ZNF48: variants seen among roughly 807,000 people sequenced by gnomAD.
The protein encoded by ZNF48 is zinc finger protein 48.
Under a neutral mutation model 40.0 loss-of-function variants are expected in ZNF48, and 20 were observed. The observed-to-expected ratio is 0.50, with a 90% CI of 0.35 to 0.73. ZNF48 has a LOEUF of 0.73. Ranked by LOEUF, ZNF48 falls within the 30% of genes least tolerant of loss-of-function variation. ZNF48 has a pLI of 0.01. For synonymous variants in ZNF48, 298 were observed against 329.7 expected (o/e 0.90, Z 1.04); for missense variants, 726 against 851.9 (o/e 0.85, Z 1.84).
chr16:30,394,838 GCTCAGGGTCTCTGTTCCGGGC>G (rs1326736453), upstream of ZNF48: 4 of 206,912 alleles, frequency 1.9e-5, no homozygotes, highest in African/African-American at 6.9e-5. Flanking sequence ...TGAGTCTCTG[GCTCAGGGTCTCTGTTCCGGGC>G]CCCAGGTCTG....
rs1015505992 is a variant in ZNF48, at chr16:30,398,388, A to G, written c.1138A>G (p.Thr380Ala). The change falls in exon 3 of 3, where the codon ACT becomes GCT. Residue 380 changes from threonine (T) to alanine (A), a missense_variant. Physicochemically the swap from Thr to Ala is moderately conservative, Grantham distance 58 (BLOSUM62 0). Coordinates refer to ENST00000613509, the MANE Select transcript of ZNF48 (RefSeq NM_001214909.2). The surrounding 1 kb of genome is among the most constrained non-coding windows in gnomAD (Gnocchi z 6.6). Reference sequence around the variant, plus strand: ...CTCCACCCTTCTTCGCCACCGCCTCACTCACATGGAGCCCCAGGACTTCAG... The same window carrying G: ...CTCCACCCTTCTTCGCCACCGCCTCGCTCACATGGAGCCCCAGGACTTCAG... Reference protein sequence around the residue: ...LSSTLLRHRLTHMEPQDFSFP... With the variant: ...LSSTLLRHRLAHMEPQDFSFP... 1.9e-6 allele frequency: 3 copies of G among 1,611,778 alleles called. No homozygotes were observed. The African/African-American group carries it at 4.0e-5, about 22-fold the overall frequency.
Position 30,398,275 on chromosome 16 carries a change from A to G in ZNF48, c.1025A>G (p.Asp342Gly). The change falls in exon 3 of 3, where the codon GAC becomes GGC. Residue 342 changes from aspartate to glycine, a missense_variant. Asp to Gly is a moderately conservative substitution (Grantham distance 94). Around this residue, in one of 5 missense-constraint regions of ZNF48, gnomAD observed 378 missense variants for 449.1 expected, o/e 0.84. Coordinates refer to ENST00000613509, the MANE Select transcript of ZNF48 (RefSeq NM_001214909.2). The surrounding 1 kb of genome is among the most constrained non-coding windows in gnomAD (Gnocchi z 6.6). ...CCAGAGTGCGGCAAAGGTTTCGCGG[A>G]CAGCTCCGCCCGAGTCAAACACCTC... is the stretch of plus-strand genomic sequence containing the variant. The part of the protein sequence containing the change: ...LCPECGKGFA[D>G]SSARVKHLRT... 1 of 1,613,432 alleles carries G rather than the reference A, an allele frequency of 6.2e-7. No individual in the cohort carries two copies. The highest frequency in any genetic ancestry group is 1.1e-5 in the South Asian group (1 of 91,078).
At chr16:30,385,279 C>T (rs2049892873) in intron 1 of ZNF48, among the ~76,000 whole-genome samples, 1 of 151,764 alleles carries the variant, frequency 6.6e-6, no homozygotes, top group South Asian at 2.1e-4. Context: ...ACTCCACCAC[C>T]GGCCTTCCTC....
intron 1 of ZNF48, among the ~76,000 whole-genome samples, chr16:30,387,276 G>A (rs560354406): frequency 1.1e-4 from 16 of 146,716 alleles, no homozygotes; most frequent in East Asian, 6.3e-4. Context: ...GTGTTTCGGC[G>A]GGGCGCCATG....
intron 1 of ZNF48, among the ~76,000 whole-genome samples, chr16:30,389,650 G>C (rs117304935): frequency 2.1e-3 from 312 of 150,778 alleles, no homozygotes; most frequent in Non-Finnish European, 3.5e-3. Context: ...TGACACCATA[G>C]TCCATTTCCA....
rs1257337121 is a variant in ZNF48 at position 30,398,768 on chromosome 16, C to A, written c.1518C>A (p.Ala506=). 6.2e-7 allele frequency: 1 copy of A among 1,613,704 alleles called. No individual in the cohort carries two copies. The highest frequency in any genetic ancestry group is 2.2e-5 in the East Asian group (1 of 44,880). The change falls in exon 3 of 3, where the codon GCC becomes GCA. Residue 506 remains alanine, a synonymous_variant. Transcript: ENST00000613509. The surrounding 1 kb of genome is among the most constrained non-coding windows in gnomAD (Gnocchi z 6.6). ...KHLRTHRGER[A]RPPPPSTLLR... is the part of the protein sequence containing the mutation. ...TCCGCACCCACCGTGGTGAACGGGC[C>A]CGGCCACCACCACCATCCACTCTGC...
Position 30,381,789 on chromosome 16 carries a change from G to A in ZNF48, c.-16+3379G>A. 1 of 1,614,076 alleles carries A rather than the reference G, an allele frequency of 6.2e-7. No homozygotes were observed. Among genetic ancestry groups the A allele is most frequent in the Non-Finnish European group, 8.5e-7 (1 of 1,180,002 alleles). On this transcript the variant is annotated intron_variant, in intron 1 of 2. Transcript: ENST00000528032. This position sits in a 1 kb window ranked among gnomAD's most constrained non-coding sequence, Gnocchi z 4.3. ...CAGAGCAGTCCACTGAGTCCCCAAAGCCAGGTGTGTCCACAAGGGTCAGCT... is the reference window on the plus strand; with the variant it reads ...CAGAGCAGTCCACTGAGTCCCCAAAACCAGGTGTGTCCACAAGGGTCAGCT...
intron 1 of ZNF48, chr16:30,383,140 C>T (rs2049872349): frequency 5.9e-6 from 2 of 339,800 alleles, no homozygotes; most frequent in African/African-American, 2.1e-5. Context: ...TGTGATCACA[C>T]CACTACACTC....
rs1443698665 is a variant in ZNF48 at position 30,379,577 on chromosome 16, A to AATGG, written c.-16+1167_-16+1168insATGG. The AATGG allele has an allele frequency of 2.7e-6, 4 of 1,456,250 alleles. No homozygotes were observed. In the Admixed American group the frequency reaches 6.7e-5, roughly 25 times the overall value. The allele number at this position is 1,456,250 out of a possible 1,614,324, so 90.2% of individuals were successfully genotyped here. ...GGGGTTCACCATTGGCTCACACGGC[A>AATGG]GAAACTTTCTCTTTCCCAGCTTCAA... On this transcript the variant is annotated intron_variant, in intron 1 of 2. Coordinates refer to the ZNF48 transcript ENST00000528032.
rs760627890 is a variant in ZNF48 at position 30,397,996 on chromosome 16, G to A, written c.746G>A (p.Arg249Gln). Reference sequence around the variant, plus strand: ...ACACACCGGGGGGAGCAGCCCCCCCGACCAGTGGTGCCCCGACGGCAGCCA... The same window carrying A: ...ACACACCGGGGGGAGCAGCCCCCCCAACCAGTGGTGCCCCGACGGCAGCCA... Reference protein sequence around the residue: ...QRTHRGEQPPRPVVPRRQPSR... With the variant: ...QRTHRGEQPPQPVVPRRQPSR... Residue 249 changes from arginine to glutamine, a missense_variant, in exon 3 of 3, where the codon CGA becomes CAA. By Grantham distance (43) the Arg-to-Gln change is conservative. Coordinates refer to ENST00000613509, the MANE Select transcript of ZNF48 (RefSeq NM_001214909.2). This position sits in a 1 kb window ranked among gnomAD's most constrained non-coding sequence, Gnocchi z 4.1. 132 of 1,613,336 alleles carry A rather than the reference G, an allele frequency of 8.2e-5. No individual in the cohort carries two copies. Among genetic ancestry groups the A allele is most frequent in the Admixed American group, 1.8e-4 (11 of 59,970 alleles).
At chr16:30,380,109 C>T (rs896601028) in intron 1 of ZNF48, 1 of 1,210,428 alleles carries the variant, frequency 8.3e-7, no homozygotes, top group Non-Finnish European at 1.2e-6. Context: ...GACAGTGAGA[C>T]ACAGAGATAC....
Position 30,382,716 on chromosome 16 carries a change from C to A in ZNF48, c.-16+4306C>A, listed in dbSNP as rs746137415. On this transcript the variant is annotated intron_variant, in intron 1 of 2. Transcript: ENST00000528032. This position sits in a 1 kb window ranked among gnomAD's most constrained non-coding sequence, Gnocchi z 4.8. ...GTTGCCACCTCCTGGACCCCTTTGC[C>A]CATCACCTGTCTACGTACCTTCAAC... 5.5e-5 allele frequency: 84 copies of A among 1,535,680 alleles called. No homozygotes were observed. Among genetic ancestry groups the A allele is most frequent in the Non-Finnish European group, 7.2e-5 (82 of 1,145,772 alleles).
chr16:30,381,483 G>A lies in ZNF48; in HGVS notation c.-16+3073G>A. 6.2e-7 allele frequency: 1 copy of A among 1,613,954 alleles called. No homozygotes were observed. Among genetic ancestry groups the A allele is most frequent in the African/African-American group, 1.3e-5 (1 of 75,008 alleles). ...CACCACCGGAAGCCAGCTGGGTGTG[G>A]GGAGAGGATGTGAGGTCAGAGATCA... On this transcript the variant is annotated intron_variant, in intron 1 of 2. Coordinates refer to the ZNF48 transcript ENST00000528032. The surrounding 1 kb of genome is among the most constrained non-coding windows in gnomAD (Gnocchi z 4.3).
Position 30,395,506 on chromosome 16 carries a change from G to T in ZNF48, c.-88G>T. ...GAGCCTGCATCCCGGAGCCGCTGGC[G>T]GCTCGGGCGCCTGCACCCCGCTGAG... On this transcript the variant is annotated 5_prime_UTR_variant, in exon 1 of 3. Coordinates refer to ENST00000613509, the MANE Select transcript of ZNF48 (RefSeq NM_001214909.2). This position sits in a 1 kb window ranked among gnomAD's most constrained non-coding sequence, Gnocchi z 5.9. 1 of 311,820 alleles carries T rather than the reference G, an allele frequency of 3.2e-6. No individual in the cohort carries two copies. Among genetic ancestry groups the T allele is most frequent in the Non-Finnish European group, 6.2e-6 (1 of 160,070 alleles). The allele number at this position is 311,820 out of a possible 1,614,324, so 19.3% of individuals were successfully genotyped here.
At position 30,400,044 on chromosome 16, in the gene ZNF48, A is replaced by T. The variant is rs895504547; in HGVS notation, c.*937A>T. 1.3e-5 allele frequency: 2 copies of T among 152,126 alleles called. No homozygotes were observed. Among genetic ancestry groups the T allele is most frequent in the African/African-American group, 4.8e-5 (2 of 41,400 alleles). 9.4% of individuals were successfully genotyped at this position (152,126 alleles called of 1,614,324 possible). A position where few individuals can be genotyped will look rare whatever the true frequency, so the allele number is the denominator to read the frequency against. ...AGGGGTCTCTGCGCGCAAAACTCAG[A>T]CTGTAAATTTTGTGTGCTTCCCTTG... On this transcript the variant is annotated 3_prime_UTR_variant, in exon 3 of 3. Transcript: ENST00000613509.
Position 30,398,228 on chromosome 16 carries a change from G to A in ZNF48, c.978G>A (p.Thr326=), listed in dbSNP as rs148385718. The A allele has an allele frequency of 5.0e-5, 80 of 1,613,516 alleles. No homozygotes were observed. The highest frequency in any genetic ancestry group is 6.7e-5 in the East Asian group (3 of 44,858). The part of the protein sequence containing the change: ...SDLVKHLRVH[T]GEKPYLCPEC... Reference sequence around the variant, plus strand: ...TGGTGAAGCACCTGCGGGTGCACACGGGTGAGAAGCCCTACCTCTGCCCAG... The same window carrying A: ...TGGTGAAGCACCTGCGGGTGCACACAGGTGAGAAGCCCTACCTCTGCCCAG... The change falls in exon 3 of 3, where the codon ACG becomes ACA. Residue 326 remains threonine (T), a synonymous_variant. Transcript: ENST00000613509. This position sits in a 1 kb window ranked among gnomAD's most constrained non-coding sequence, Gnocchi z 6.6.
At chr16:30,396,803 C>T (rs2049988631) in intron 2 of ZNF48, among the ~76,000 whole-genome samples, 1 of 150,960 alleles carries the variant, frequency 6.6e-6, no homozygotes, top group African/African-American at 2.4e-5. Context: ...GATCCTCCTA[C>T]CTCAGCCTCC....
chr16:30,397,248 G>A lies in ZNF48; in HGVS notation c.80-82G>A. 7.8e-7 allele frequency: 1 copy of A among 1,280,320 alleles called. No individual in the cohort carries two copies. Among genetic ancestry groups the A allele is most frequent in the Non-Finnish European group, 1.1e-6 (1 of 920,436 alleles). The allele number at this position is 1,280,320 out of a possible 1,614,324, so 79.3% of individuals were successfully genotyped here. ...GGTTCCTGTGACCACAGATTGTCAA[G>A]GGAGTCTTCCTGGAGAGGTTGCTGT... On this transcript the variant is annotated intron_variant, in intron 2 of 2. Coordinates refer to ENST00000613509, the MANE Select transcript of ZNF48 (RefSeq NM_001214909.2). This position sits in a 1 kb window ranked among gnomAD's most constrained non-coding sequence, Gnocchi z 4.1.
intron 1 of ZNF48, among the ~76,000 whole-genome samples, chr16:30,384,163 C>T (rs770012772): frequency 2.6e-5 from 4 of 151,794 alleles, no homozygotes; most frequent in Non-Finnish European, 4.4e-5. Flanking sequence ...TGCAGTGAGC[C>T]GAGATTGCAC....
Sources: allele counts gnomAD v4.1 joint callset (sites outside exome capture counted in the v4.1 genomes callset), GRCh38; gene constraint gnomAD v4.1.1; regional missense constraint gnomAD v4.1.1; non-coding constraint Gnocchi (gnomAD v3.1); transcripts MANE v1.5; gene names NCBI Gene and HGNC (gene_info 2026-07-23, HGNC 2026-07-21).